The following ATP2B1 variants were observed in gnomAD, a reference collection of about 807,000 sequenced individuals.
ATP2B1 encodes the protein plasma membrane calcium-transporting ATPase 1.
Under a neutral mutation model 124.2 loss-of-function variants are expected in ATP2B1, and 14 were observed. That is an observed-to-expected ratio of 0.11 (90% CI 0.07 to 0.18). ATP2B1 has a LOEUF of 0.18. Among genes scored for constraint, ATP2B1 ranks in the 10% least tolerant of loss-of-function variants. The probability of loss-of-function intolerance (pLI) is 1.00; values close to 1 mark genes in which losing one functional copy is unlikely to be tolerated. For missense variants in ATP2B1, 763 were observed against 1,466.1 expected (o/e 0.52, Z 7.83); for synonymous variants, 449 against 492.4 (o/e 0.91, Z 1.17).
intron 2 of ATP2B1, among the ~76,000 whole-genome samples, chr12:89,644,165 A>G (rs141177492): frequency 1.3e-5 from 2 of 152,252 alleles, no homozygotes; most frequent in Non-Finnish European, 2.9e-5. Flanking sequence ...CTAGAGAAGA[A>G]GGCAGAGATA....
At chr12:89,610,225 A>C (rs1461361209) in intron 14 of ATP2B1, among the ~76,000 whole-genome samples, 182 bp from the exon 15 acceptor site, 2 of 152,230 alleles carry the variant, frequency 1.3e-5, no homozygotes, top group African/African-American at 2.4e-5. Context: ...TATTCAGAGC[A>C]ATATCCTGTT....
chr12:89,670,928 TA>T (rs1473195254), intron 1 of ATP2B1, among the ~76,000 whole-genome samples: 1 of 122,996 alleles, frequency 8.1e-6, no homozygotes, highest in Non-Finnish European at 1.6e-5. Context: ...GGGAAAGAAG[TA>T]TAACAGTTCA....
chr12:89,673,584 G>C (rs1196679497), intron 1 of ATP2B1, among the ~76,000 whole-genome samples: 1 of 152,146 alleles, frequency 6.6e-6, no homozygotes, highest in South Asian at 2.1e-4. Flanking sequence ...AACACTGTGA[G>C]GGTGCCATGA....
At chr12:89,699,075 T>G (rs1891517817) in intron 1 of ATP2B1, among the ~76,000 whole-genome samples, 1 of 152,164 alleles carries the variant, frequency 6.6e-6, no homozygotes, top group African/African-American at 2.4e-5. Context: ...TTTGCCCCCC[T>G]GTCCCCTCTT....
chr12:89,603,905 C>T lies in ATP2B1; in HGVS notation c.2655G>A (p.Val885=), dbSNP rs764265439. ...TTATGAGGTTTACCCACAGCATCTG[C>T]ACAGCCTTAAGCGGTGAGTCCTAGA... ...CITQDSPLKA[V]QMLWVNLIMD... is the part of the protein sequence containing the mutation. Residue 885 remains valine, a synonymous_variant, in exon 17 of 21, where the codon GTG becomes GTA. Coordinates refer to ENST00000428670, the MANE Select transcript of ATP2B1 (RefSeq NM_001366521.1). The surrounding 1 kb of genome is among the most constrained non-coding windows in gnomAD (Gnocchi z 4.3). 9 of 1,613,872 alleles carry T rather than the reference C, an allele frequency of 5.6e-6. No homozygotes were observed. The Admixed American group carries it at 1.0e-4, about 18-fold the overall frequency.
At chr12:89,704,158 G>A (rs1193292412) in intron 1 of ATP2B1, among the ~76,000 whole-genome samples, 1 of 152,038 alleles carries the variant, frequency 6.6e-6, no homozygotes, top group African/African-American at 2.4e-5. Context: ...AAAAACAAGT[G>A]CATAAAAAGT....
rs568512949 is a variant in ATP2B1 at position 89,656,766 on chromosome 12, A to AC, written c.-221-660dup. Among the ~76,000 whole-genome samples the AC allele has an allele frequency of 1.1e-4, 16 of 151,714 alleles. No homozygotes were observed. In the South Asian group the frequency reaches 3.3e-3, roughly 32 times the overall value. The stretch of plus-strand genomic sequence containing the variant: ...TGTTACCACCTCAGGTCTTCCTTTG[A>AC]CCCCCTATCTAAAGAAATTCTCTAC... On this transcript the variant is annotated intron_variant, in intron 1 of 20. Transcript: ENST00000428670.
rs199995151 is a variant in ATP2B1 at position 89,691,456 on chromosome 12, A to G, written c.-222+17140T>C. 9.2e-5 allele frequency among the ~76,000 whole-genome samples: 14 copies of G among 152,268 alleles called. No homozygotes were observed. In the Middle Eastern group the frequency reaches 0.01, roughly 111 times the overall value. ...TTATTCACCAGAATTGGGTTATAAGATATTTGCCATAAGCTAAAACTTGTC... is the reference window on the plus strand; with the variant it reads ...TTATTCACCAGAATTGGGTTATAAGGTATTTGCCATAAGCTAAAACTTGTC... On this transcript the variant is annotated intron_variant, in intron 1 of 20. Transcript: ENST00000428670.
intron 2 of ATP2B1, 26 bp from the exon 3 acceptor site, chr12:89,642,381 G>T: frequency 6.3e-7 from 1 of 1,576,018 alleles, no homozygotes; most frequent in South Asian, 1.1e-5. Flanking sequence ...AAATTTCAGT[G>T]AACAGTTTTA....
At chr12:89,667,685 A>G (rs1282745525) in intron 1 of ATP2B1, among the ~76,000 whole-genome samples, 1 of 152,234 alleles carries the variant, frequency 6.6e-6, no homozygotes, top group Non-Finnish European at 1.5e-5. Context: ...GAGAAAGACA[A>G]GCATACTAGA....
At chr12:89,683,314 C>T (rs1177605721) in intron 1 of ATP2B1, among the ~76,000 whole-genome samples, 1 of 152,180 alleles carries the variant, frequency 6.6e-6, no homozygotes, top group Non-Finnish European at 1.5e-5. Context: ...TGAATCTGGG[C>T]AGACTTAGTA....
intron 9 of ATP2B1, 54 bp downstream of exon 9, chr12:89,624,129 A>C: frequency 6.6e-7 from 1 of 1,507,102 alleles, no homozygotes; most frequent in Non-Finnish European, 9.1e-7. Flanking sequence ...GGCATTTTCT[A>C]TACCAGCTAA....
chr12:89,598,640 G>A (rs750305317), intron 20 of ATP2B1: 6 of 1,613,818 alleles, frequency 3.7e-6, no homozygotes, highest in Non-Finnish European at 2.5e-6. Flanking sequence ...ATGTGTAGGG[G>A]TAGAAATATT....
chr12:89,668,914 A>G (rs1474463616), intron 1 of ATP2B1, among the ~76,000 whole-genome samples: 1 of 152,208 alleles, frequency 6.6e-6, no homozygotes, highest in Non-Finnish European at 1.5e-5. Context: ...AATGAAAGCT[A>G]GTCAATTCCC....
intron 2 of ATP2B1, among the ~76,000 whole-genome samples, chr12:89,643,940 G>A (rs978173809): frequency 6.6e-6 from 1 of 152,070 alleles, no homozygotes; most frequent in African/African-American, 2.4e-5. Context: ...TGCCCAACAT[G>A]GTAAAATCTC....
chr12:89,643,194 GTA>G (rs1385027807), intron 2 of ATP2B1, among the ~76,000 whole-genome samples: 1 of 149,734 alleles, frequency 6.7e-6, no homozygotes, highest in Admixed American at 6.7e-5. Context: ...ATGTATATAT[GTA>G]TATATGTGTG....
In ATP2B1 at chr12:89,603,911, C is replaced by A; in HGVS notation, c.2649G>T (p.Lys883Asn). The A allele has an allele frequency of 6.2e-7, 1 of 1,613,946 alleles. No individual in the cohort carries two copies. Among genetic ancestry groups the A allele is most frequent in the Non-Finnish European group, 8.5e-7 (1 of 1,179,942 alleles). The change falls in exon 17 of 21, where the codon AAG becomes AAT. Residue 883 changes from lysine to asparagine, a missense_variant. Around this residue, in one of 7 missense-constraint regions of ATP2B1, gnomAD observed 51 missense variants for 192.8 expected, o/e 0.26. Transcript: ENST00000428670. The surrounding 1 kb of genome is among the most constrained non-coding windows in gnomAD (Gnocchi z 4.3). ...GGTTTACCCACAGCATCTGCACAGC[C>A]TTAAGCGGTGAGTCCTAGAAAAGAT... ...GACITQDSPL[K>N]AVQMLWVNLI...
At chr12:89,610,611 G>T in intron 13 of ATP2B1, 103 bp from the exon 14 acceptor site, 2 of 921,154 alleles carry the variant, frequency 2.2e-6, no homozygotes, top group Non-Finnish European at 3.5e-6. Flanking sequence ...GTGGTCCACA[G>T]AACAATCAGA....
intron 1 of ATP2B1, among the ~76,000 whole-genome samples, chr12:89,657,818 G>A (rs1210353331): frequency 6.6e-6 from 1 of 152,172 alleles, no homozygotes; most frequent in East Asian, 1.9e-4. Context: ...TAAAAACTTA[G>A]AATTCATATG....
Sources: allele counts gnomAD v4.1 joint callset (sites outside exome capture counted in the v4.1 genomes callset), GRCh38; gene constraint gnomAD v4.1.1; regional missense constraint gnomAD v4.1.1; non-coding constraint Gnocchi (gnomAD v3.1); transcripts MANE v1.5; gene names NCBI Gene and HGNC (gene_info 2026-07-23, HGNC 2026-07-21).